Variants in FAM81A observed in about 807,000 individuals in gnomAD.
FAM81A encodes the protein family with sequence similarity 81 member A.
A neutral mutation model predicts 46.7 loss-of-function variants in FAM81A; 19 were observed. The ratio of observed to expected loss-of-function variants is 0.41; its 90% confidence interval spans 0.28 to 0.60. The LOEUF (loss-of-function observed/expected upper bound fraction) is 0.60, where lower values mean the gene tolerates loss of function less well. Among genes scored for constraint, FAM81A ranks in the 20% least tolerant of loss-of-function variants. The probability of loss-of-function intolerance (pLI) is 0.34; values close to 1 mark genes in which losing one functional copy is unlikely to be tolerated. For synonymous variants in FAM81A, 183 were observed against 152.9 expected (o/e 1.20, Z -1.45); for missense variants, 377 against 453.5 (o/e 0.83, Z 1.53).
intron 8 of FAM81A, among the ~76,000 whole-genome samples, chr15:59,517,470 G>A (rs568542068): frequency 1.3e-5 from 2 of 152,300 alleles, no homozygotes; most frequent in South Asian, 2.1e-4. Flanking sequence ...GATGGCTTTC[G>A]GAGCTTGAGA....
chr15:59,484,069 A>G lies in FAM81A; in HGVS notation c.295-8202A>G, dbSNP rs1418691859. Among the ~76,000 whole-genome samples, 4 of 152,262 alleles carry G rather than the reference A, an allele frequency of 2.6e-5. No individual in the cohort carries two copies. In the South Asian group the frequency reaches 6.2e-4, roughly 24 times the overall value. ...CCTTCCACTACTCTCAAGACTACCT[A>G]CTTAAGGCACTCCAGTGAGTAGAGA... On this transcript the variant is annotated intron_variant, in intron 3 of 8. Coordinates refer to ENST00000288228, the MANE Select transcript of FAM81A (RefSeq NM_152450.3).
At chr15:59,404,123 C>T (rs1436432309) in intron 2 of FAM81A, among the ~76,000 whole-genome samples, 1 of 152,052 alleles carries the variant, frequency 6.6e-6, no homozygotes, top group Non-Finnish European at 1.5e-5. Context: ...CCTCATGATT[C>T]GCCCGCCTCG....
intron 2 of FAM81A, among the ~76,000 whole-genome samples, chr15:59,431,907 C>T (rs1192299425): frequency 1.3e-5 from 2 of 152,204 alleles, no homozygotes; most frequent in African/African-American, 4.8e-5. Flanking sequence ...TCCTGCAACC[C>T]TTTCACATTG....
intron 8 of FAM81A, among the ~76,000 whole-genome samples, chr15:59,518,062 T>G (rs1412761446): frequency 6.6e-6 from 1 of 151,770 alleles, no homozygotes. Context: ...AACCTCTGCC[T>G]TCAGGGTACA....
At chr15:59,426,094 AT>A (rs1451005927) in intron 2 of FAM81A, among the ~76,000 whole-genome samples, 3 of 152,252 alleles carry the variant, frequency 2.0e-5, no homozygotes, top group Middle Eastern at 6.3e-3. Flanking sequence ...AAAAGGCTTC[AT>A]AATGCCATTC....
chr15:59,464,192 C>T (rs774090217), intron 3 of FAM81A, among the ~76,000 whole-genome samples: 12 of 152,048 alleles, frequency 7.9e-5, no homozygotes, highest in Non-Finnish European at 1.6e-4. Flanking sequence ...GTATATACAC[C>T]ACATTGTCTT....
chr15:59,403,671 C>T (rs1356797177), intron 2 of FAM81A, among the ~76,000 whole-genome samples: 1 of 152,024 alleles, frequency 6.6e-6, no homozygotes, highest in Non-Finnish European at 1.5e-5. Context: ...GGTCTTCTTT[C>T]AATTTAGGCA....
At chr15:59,426,308 T>C (rs760408985) in intron 2 of FAM81A, among the ~76,000 whole-genome samples, 71 of 152,114 alleles carry the variant, frequency 4.7e-4, no homozygotes, top group African/African-American at 1.1e-3. Context: ...AAATTGGCTC[T>C]AAGAAATACA....
At chr15:59,435,309 C>T (rs2081238564), upstream of FAM81A, among the ~76,000 whole-genome samples, 1 of 151,680 alleles carries the variant, frequency 6.6e-6, no homozygotes, top group Admixed American at 6.6e-5. Flanking sequence ...AGCAAACAAA[C>T]AAAGCAAAAC....
At chr15:59,521,138 G>C in intron 8 of FAM81A, 116 bp from the exon 9 acceptor site, 1 of 1,146,646 alleles carries the variant, frequency 8.7e-7, no homozygotes, top group African/African-American at 1.6e-5. Context: ...TCATCCCAGA[G>C]GTTTTAGCAT....
intron 3 of FAM81A, among the ~76,000 whole-genome samples, chr15:59,476,448 T>A (rs932162242): frequency 6.6e-6 from 1 of 152,128 alleles, no homozygotes; most frequent in East Asian, 1.9e-4. Flanking sequence ...AGAGTAAATT[T>A]AAAAAGTACT....
chr15:59,421,860 C>T (rs1188085973), intron 2 of FAM81A, among the ~76,000 whole-genome samples: 1 of 144,422 alleles, frequency 6.9e-6, no homozygotes. Flanking sequence ...ACAGATTAAA[C>T]CCTCAACCCT....
intron 2 of FAM81A, among the ~76,000 whole-genome samples, chr15:59,410,166 G>A (rs531465778): frequency 8.5e-5 from 13 of 152,142 alleles, no homozygotes; most frequent in Non-Finnish European, 1.8e-4. Context: ...GCATGGTGGC[G>A]TGCACCTGTA....
intron 6 of FAM81A, among the ~76,000 whole-genome samples, chr15:59,513,533 C>G: frequency 6.6e-6 from 1 of 152,156 alleles, no homozygotes; most frequent in East Asian, 1.9e-4. Context: ...TTGTATTCTC[C>G]CGCCTTACCA....
At chr15:59,419,538 T>A (rs1312255471) in intron 2 of FAM81A, among the ~76,000 whole-genome samples, 1 of 152,076 alleles carries the variant, frequency 6.6e-6, no homozygotes, top group African/African-American at 2.4e-5. Context: ...CATTACCCTC[T>A]CTTTCATTTC....
In FAM81A at chr15:59,510,097, G is replaced by A. The variant is rs150140209; in HGVS notation, c.650+1128G>A. ...AAACCAAATACATGGTGGGTGCAGT[G>A]GCTCATGCCTATAATCTCAGCACTC... On this transcript the variant is annotated intron_variant, in intron 6 of 8. Coordinates refer to ENST00000288228, the MANE Select transcript of FAM81A (RefSeq NM_152450.3). Among the ~76,000 whole-genome samples the A allele has an allele frequency of 1.6e-4, 24 of 152,266 alleles. 1 individual carries two copies. In the East Asian group the frequency reaches 4.6e-3, roughly 29 times the overall value.
At chr15:59,473,486 G>A (rs561240572) in intron 3 of FAM81A, among the ~76,000 whole-genome samples, 15 of 152,292 alleles carry the variant, frequency 9.8e-5, no homozygotes, top group Admixed American at 7.9e-4. Flanking sequence ...CGTGTCCCCT[G>A]CAGATAAGAG....
At chr15:59,422,756 G>A (rs1342558192) in intron 2 of FAM81A, among the ~76,000 whole-genome samples, 2 of 152,140 alleles carry the variant, frequency 1.3e-5, no homozygotes, top group Non-Finnish European at 2.9e-5. Flanking sequence ...GATTACAGGC[G>A]TGAGCCACAT....
At chr15:59,453,449 G>A (rs187327332) in intron 1 of FAM81A, among the ~76,000 whole-genome samples, 34 of 152,242 alleles carry the variant, frequency 2.2e-4, no homozygotes, top group African/African-American at 8.2e-4. Context: ...TACTCGTTAC[G>A]TTACGTGTGA....
Sources: allele counts gnomAD v4.1 joint callset (sites outside exome capture counted in the v4.1 genomes callset), GRCh38; gene constraint gnomAD v4.1.1; transcripts MANE v1.5; gene names NCBI Gene and HGNC (gene_info 2026-07-23, HGNC 2026-07-21).